The following DMRTC1 variants were observed in gnomAD, a reference collection of about 807,000 sequenced individuals.
DMRTC1 encodes the protein DMRT like family C1, also known as doublesex- and mab-3-related transcription factor C1.
For synonymous variants in DMRTC1, 7 were observed against 14.1 expected (o/e 0.50, Z 1.13); for missense variants, 9 against 34.6 (o/e 0.26, Z 1.86).
At chrX:72,874,721 C>CCAACAA in intron 4 of DMRTC1, 104 bp downstream of exon 4, 2 of 258,791 alleles carry the variant, frequency 7.7e-6, no homozygotes, top group Non-Finnish European at 5.7e-6. Flanking sequence ...CCCTCCACCA[C>CCAACAA]CTCCTCCTCC....
intron 1 of DMRTC1, among the ~76,000 whole-genome samples, chrX:72,882,175 T>G (rs2054870131): frequency 1.3e-5 from 1 of 77,057 alleles, no homozygotes; most frequent in Non-Finnish European, 2.5e-5. Context: ...CATTTCTGCT[T>G]TTATGGATGG....
chrX:72,939,843 C>T, intron 1 of DMRTC1, among the ~76,000 whole-genome samples: 1 of 114,873 alleles, frequency 8.7e-6, no homozygotes, highest in Middle Eastern at 4.6e-3. Flanking sequence ...CCTGCTGGCA[C>T]ATTCTCTTGC....
At chrX:72,913,549 G>C (rs1340933155) in intron 1 of DMRTC1, 3 of 390,964 alleles carry the variant, frequency 7.7e-6, no homozygotes, top group Non-Finnish European at 1.3e-5. Flanking sequence ...AGCGCTGCTT[G>C]TTACTAGGTC....
chrX:72,872,854 T>TGTCA (rs1156805696), intron 6 of DMRTC1, among the ~76,000 whole-genome samples: 15 of 72,425 alleles, frequency 2.1e-4, no homozygotes, highest in Non-Finnish European at 3.1e-4. Context: ...AAGCCTGACC[T>TGTCA]GTCAGACCTC....
At chrX:72,905,532 G>A (rs1434827499) in intron 1 of DMRTC1, among the ~76,000 whole-genome samples, 2 of 29,700 alleles carry the variant, frequency 6.7e-5, no homozygotes, top group African/African-American at 1.6e-4. Flanking sequence ...ATTCTGAGAC[G>A]GAGTCTCGCT....
chrX:72,914,056 G>A (rs1324947290), intron 1 of DMRTC1, among the ~76,000 whole-genome samples: 4 of 98,532 alleles, frequency 4.1e-5, no homozygotes, highest in Non-Finnish European at 7.8e-5. Context: ...CCATGGAGGA[G>A]GCCCTGTTAG....
intron 1 of DMRTC1, among the ~76,000 whole-genome samples, chrX:72,879,723 TTC>T (rs1556352498): frequency 1.6e-5 from 1 of 64,418 alleles, no homozygotes; most frequent in Admixed American, 1.9e-4. Context: ...TTCTATCTCT[TTC>T]TTTCTTTTCC....
chrX:72,872,586 C>G (rs782772467), intron 6 of DMRTC1, 22 bp from the exon 7 acceptor site: 4 of 1,179,326 alleles, frequency 3.4e-6, no homozygotes, highest in South Asian at 3.8e-5. Flanking sequence ...AAGGAAGGGG[C>G]CAGAGCCAGG....
chrX:72,879,136 G>GT (rs1556352208), intron 1 of DMRTC1, among the ~76,000 whole-genome samples: 6 of 74,444 alleles, frequency 8.1e-5, no homozygotes, highest in African/African-American at 2.4e-4. Context: ...AGTTATGGGG[G>GT]TTTTTTGTTT....
chrX:72,879,358 TC>T (rs2054829621), intron 1 of DMRTC1, among the ~76,000 whole-genome samples: 1 of 11,393 alleles, frequency 8.8e-5, no homozygotes, highest in Non-Finnish European at 1.2e-4. Flanking sequence ...TGCTTTCCTT[TC>T]CCTTCCCTTC....
rs1179593877 is a variant in DMRTC1, at chrX:72,886,912, T to A, written c.-94-11124A>T. ...ATTTTGTGTGGTCTTCAATTTTTTT[T>A]ATCAGTGTCTTGAAGTTTTCATTGT... On this transcript the variant is annotated intron_variant, in intron 1 of 6. Coordinates refer to ENST00000615063, the MANE Select transcript of DMRTC1 (RefSeq NM_033053.3). 6.5e-3 allele frequency among the ~76,000 whole-genome samples: 660 copies of A among 101,363 alleles called. 28 individuals carry two copies. Among genetic ancestry groups the A allele is most frequent in the African/African-American group, 0.024 (628 of 26,058 alleles). 88.0% of individuals were successfully genotyped at this position (101,363 alleles called of 115,157 possible).
At position 72,913,255 on chromosome X, in the gene DMRTC1, G is replaced by A. The variant is rs1226574365; in HGVS notation, c.-95+30320C>T. 213 of 920,747 alleles carry A rather than the reference G, an allele frequency of 2.3e-4. 7 individuals are homozygous for A. Among genetic ancestry groups the A allele is most frequent in the Non-Finnish European group, 3.2e-4 (209 of 658,992 alleles). The allele number at this position is 920,747 out of a possible 1,213,427, so 75.9% of individuals were successfully genotyped here. A position where few individuals can be genotyped will look rare whatever the true frequency, so the allele number is the denominator to read the frequency against. On this transcript the variant is annotated intron_variant, in intron 1 of 6. Transcript: ENST00000615063. ...TCACTCTGCTTTCCTCCCTAGGGGA[G>A]GATACCGGGCACTCGGAATCTGAGA...
intron 4 of DMRTC1, 113 bp downstream of exon 4, chrX:72,874,712 C>T (rs1556351379): frequency 6.1e-6 from 2 of 328,087 alleles, no homozygotes; most frequent in African/African-American, 8.1e-5. Flanking sequence ...TCCTCCTCCC[C>T]CTCCACCACC....
At chrX:72,911,704 A>G (rs1157499180) in intron 1 of DMRTC1, among the ~76,000 whole-genome samples, 2 of 114,461 alleles carry the variant, frequency 1.7e-5, no homozygotes, top group African/African-American at 3.2e-5. Flanking sequence ...AGACCTGGTT[A>G]GCAAACGGGG....
At chrX:72,876,751 T>TC (rs2054807491) in intron 1 of DMRTC1, among the ~76,000 whole-genome samples, 1 of 77,886 alleles carries the variant, frequency 1.3e-5, no homozygotes, top group South Asian at 8.5e-4. Context: ...ATTCCCTTGC[T>TC]CCCCCTTTGA....
At chrX:72,872,648 C>T (rs1233169070) in intron 6 of DMRTC1, 84 bp from the exon 7 acceptor site, 11 of 1,170,294 alleles carry the variant, frequency 9.4e-6, no homozygotes, top group Non-Finnish European at 8.0e-6. Context: ...CCCGCCCAAC[C>T]AAAGATTTGT....
In DMRTC1 at chrX:72,872,255, C is replaced by T. The variant is rs1423308951; in HGVS notation, c.*197G>A. On this transcript the variant is annotated 3_prime_UTR_variant, in exon 7 of 7. Transcript: ENST00000615063. The stretch of plus-strand genomic sequence containing the variant: ...TTTATGAGACAGAAAAAGGCCCCAG[C>T]ATCCAAAAGAGTAAGGGACAGAGGT... 2 of 250,649 alleles carry T rather than the reference C, an allele frequency of 8.0e-6. No individual in the cohort carries two copies. Among genetic ancestry groups the T allele is most frequent in the South Asian group, 1.2e-4 (2 of 17,267 alleles). The allele number at this position is 250,649 out of a possible 1,213,427, so 20.7% of individuals were successfully genotyped here. A position where few individuals can be genotyped will look rare whatever the true frequency, so the allele number is the denominator to read the frequency against.
chrX:72,913,473 G>T (rs2054968381), intron 1 of DMRTC1: 3 of 427,325 alleles, frequency 7.0e-6, no homozygotes, highest in Non-Finnish European at 1.2e-5. Context: ...TGGTGGTGGT[G>T]GGGTTGTGAA....
chrX:72,872,624 C>T, intron 6 of DMRTC1, 60 bp from the exon 7 acceptor site: 2 of 1,199,488 alleles, frequency 1.7e-6, no homozygotes, highest in Non-Finnish European at 2.2e-6. Context: ...TCCAGATCTA[C>T]TCTTTTTATG....
Sources: allele counts gnomAD v4.1 joint callset (sites outside exome capture counted in the v4.1 genomes callset), GRCh38; gene constraint gnomAD v4.1.1; transcripts MANE v1.5; gene names NCBI Gene and HGNC (gene_info 2026-07-23, HGNC 2026-07-21).